Variants in RNF2 observed in about 807,000 individuals in gnomAD.
RNF2 encodes ring finger protein 2, also known as E3 ubiquitin-protein ligase RING2.
A neutral mutation model predicts 37.2 loss-of-function variants in RNF2; 6 were observed. The observed-to-expected ratio is 0.16, with a 90% CI of 0.09 to 0.32. The LOEUF (loss-of-function observed/expected upper bound fraction) is 0.32, where lower values mean the gene tolerates loss of function less well. RNF2 is among the 10% of genes least tolerant of loss of function. The pLI, the probability that RNF2 is intolerant of heterozygous loss-of-function variation, is 1.00. For synonymous variants in RNF2, 133 were observed against 132.7 expected, an observed-to-expected ratio of 1.00 and a Z score of -0.02; for missense variants, 251 against 404.0, an observed-to-expected ratio of 0.62 and a Z score of 3.25.
At chr1:185,046,486 G>A (rs1189220484) in intron 1 of RNF2, among the ~76,000 whole-genome samples, 1 of 152,168 alleles carries the variant, frequency 6.6e-6, no homozygotes, top group Non-Finnish European at 1.5e-5. Flanking sequence ...GATGGTGTTA[G>A]TAAAAATTGA....
At chr1:185,070,887 C>T (rs113454769) in intron 1 of RNF2, among the ~76,000 whole-genome samples, 4 of 152,198 alleles carry the variant, frequency 2.6e-5, no homozygotes, top group African/African-American at 9.6e-5. Flanking sequence ...CCGCCCGCCT[C>T]GGCCTCCCAA....
rs114210266 is a variant in RNF2, at chr1:185,099,987, T to C, written c.909+25T>C. ...TGTGAGTATTTAAAATAATAGACTG[T>C]TGAAACTGGGAGCACACTGACCAAC... On this transcript the variant is annotated intron_variant, in intron 6 of 6. Coordinates refer to ENST00000367510, the MANE Select transcript of RNF2 (RefSeq NM_007212.4). 1,885 of 1,594,012 alleles carry C rather than the reference T, an allele frequency of 1.2e-3. 20 individuals are homozygous for C. In the African/African-American group the frequency reaches 0.022, roughly 18 times the overall value.
intron 1 of RNF2, among the ~76,000 whole-genome samples, chr1:185,068,005 G>A (rs1417014166): frequency 3.5e-5 from 1 of 28,238 alleles, no homozygotes; most frequent in South Asian, 1.6e-3. Context: ...CACAGCGCCC[G>A]GCCTTTTTTT....
intron 2 of RNF2, among the ~76,000 whole-genome samples, chr1:185,089,662 C>G (rs1335748887): frequency 2.6e-5 from 4 of 152,086 alleles, no homozygotes; most frequent in Non-Finnish European, 4.4e-5. Flanking sequence ...AGAAATTCAG[C>G]TATGCAGGGG....
intron 1 of RNF2, among the ~76,000 whole-genome samples, chr1:185,054,546 G>A (rs1238180814): frequency 6.6e-6 from 1 of 152,168 alleles, no homozygotes; most frequent in East Asian, 1.9e-4. Flanking sequence ...CGCTCTTCCT[G>A]AGAGCGGGTT....
Position 185,093,052 on chromosome 1 carries a change from T to C in RNF2, c.249-9T>C, listed in dbSNP as rs1651814523. The C allele has an allele frequency of 6.2e-7, 1 of 1,613,190 alleles. No individual in the cohort carries two copies. The highest frequency in any genetic ancestry group is 1.3e-5 in the African/African-American group (1 of 74,920). On this transcript the variant is annotated splice_polypyrimidine_tract_variant and intron_variant, in intron 3 of 6. Coordinates refer to ENST00000367510, the MANE Select transcript of RNF2 (RefSeq NM_007212.4). ...TTGTTTACATTTGCTTTCCCCTCCT[T>C]TTATTTAGCAACAAAGAATGTCCTA...
At chr1:185,087,101 T>G (rs563405030) in intron 1 of RNF2, among the ~76,000 whole-genome samples, 1 of 150,472 alleles carries the variant, frequency 6.6e-6, no homozygotes, top group Admixed American at 6.6e-5. Context: ...GAATAATTTG[T>G]TTTTTTTATT....
chr1:185,067,887 T>A (rs1469066038), intron 1 of RNF2, among the ~76,000 whole-genome samples: 1 of 151,706 alleles, frequency 6.6e-6, no homozygotes, highest in East Asian at 1.9e-4. Flanking sequence ...ATTTTTGTAT[T>A]TTTAATACAG....
At chr1:185,063,223 T>C (rs1164269398) in intron 1 of RNF2, among the ~76,000 whole-genome samples, 1 of 152,188 alleles carries the variant, frequency 6.6e-6, no homozygotes, top group African/African-American at 2.4e-5. Context: ...ACAGTAATTT[T>C]TACACAGAAT....
chr1:185,058,936 T>C (rs1038937239), intron 1 of RNF2, among the ~76,000 whole-genome samples: 1 of 152,222 alleles, frequency 6.6e-6, no homozygotes, highest in Admixed American at 6.5e-5. Context: ...TGTGCCATAC[T>C]TTTGCTGCTT....
chr1:185,098,458 G>A (rs989800019), intron 5 of RNF2, 114 bp downstream of exon 5: 5 of 1,230,444 alleles, frequency 4.1e-6, no homozygotes, highest in Admixed American at 2.2e-5. Context: ...TGATTGCAGG[G>A]GTTCAGTTAC....
chr1:185,067,616 CTTTG>C (rs1557963510), intron 1 of RNF2, among the ~76,000 whole-genome samples: 1 of 150,404 alleles, frequency 6.6e-6, no homozygotes, highest in Admixed American at 6.6e-5. Context: ...CTTAGTTTTT[CTTTG>C]TTTCATAGTG....
chr1:185,086,541 G>A (rs1343626566), intron 1 of RNF2, among the ~76,000 whole-genome samples: 1 of 152,152 alleles, frequency 6.6e-6, no homozygotes, highest in African/African-American at 2.4e-5. Context: ...GAGGAACTAG[G>A]ATATTTAGCC....
At chr1:185,084,064 C>T (rs1651508763) in intron 1 of RNF2, among the ~76,000 whole-genome samples, 1 of 152,070 alleles carries the variant, frequency 6.6e-6, no homozygotes. Flanking sequence ...GCCTTAGCCT[C>T]CCAAGTACCT....
intron 1 of RNF2, among the ~76,000 whole-genome samples, chr1:185,057,040 G>A (rs1324824416): frequency 1.3e-5 from 2 of 152,128 alleles, no homozygotes; most frequent in Non-Finnish European, 2.9e-5. Context: ...TGGGTGCGGT[G>A]GCTCATGCCT....
intron 4 of RNF2, among the ~76,000 whole-genome samples, chr1:185,094,961 C>T (rs770969401): frequency 2.0e-5 from 3 of 152,138 alleles, no homozygotes; most frequent in Non-Finnish European, 4.4e-5. Flanking sequence ...GGCATCATCC[C>T]GGTCCCAGTA....
At chr1:185,071,940 G>A (rs1437981667) in intron 1 of RNF2, 2 of 152,390 alleles carry the variant, frequency 1.3e-5, no homozygotes, top group Admixed American at 1.3e-4. Flanking sequence ...CATTGGTGAA[G>A]AAATGTCATG....
chr1:185,085,064 A>G (rs1294979115), intron 1 of RNF2, among the ~76,000 whole-genome samples: 1 of 151,852 alleles, frequency 6.6e-6, no homozygotes, highest in African/African-American at 2.4e-5. Flanking sequence ...TGCTCTTCCA[A>G]CGCATACTTT....
intron 2 of RNF2, among the ~76,000 whole-genome samples, chr1:185,087,891 C>T (rs1006015787): frequency 2.0e-5 from 3 of 152,190 alleles, no homozygotes; most frequent in Non-Finnish European, 4.4e-5. Flanking sequence ...ATGGACTTTA[C>T]AGACATTGAA....
Sources: gnomAD v4.1 joint callset for allele counts (sites outside exome capture counted in the v4.1 genomes callset) on GRCh38, gnomAD v4.1.1 for gene constraint, MANE v1.5 for transcripts, NCBI Gene and HGNC (gene_info 2026-07-23, HGNC 2026-07-21) for gene names.